The following NNMT variants were observed in gnomAD, a reference collection of about 807,000 sequenced individuals.
NNMT encodes the protein nicotinamide N-methyltransferase.
In NNMT, 10 loss-of-function variants were observed where a neutral mutation model predicts 11.7. The observed-to-expected ratio is 0.85, with a 90% CI of 0.53 to 1.45. The LOEUF (loss-of-function observed/expected upper bound fraction) is 1.45. Among genes scored for constraint, NNMT ranks in the 40% most tolerant of loss-of-function variants. The pLI, the probability that NNMT is intolerant of heterozygous loss-of-function variation, is 0.00. For synonymous variants in NNMT, 143 were observed against 133.8 expected (o/e 1.07, Z -0.48); for missense variants, 381 against 319.4 (o/e 1.19, Z -1.47).
intron 1 of NNMT, chr11:114,297,380 T>C (rs925983040): frequency 2.0e-5 from 3 of 152,014 alleles, no homozygotes; most frequent in African/African-American, 4.8e-5. Flanking sequence ...CAAACTGATG[T>C]GCTTTATTTA....
chr11:114,265,221 T>G (rs1378313274), intron 2 of NNMT, among the ~76,000 whole-genome samples: 1 of 152,162 alleles, frequency 6.6e-6, no homozygotes, highest in East Asian at 1.9e-4. Flanking sequence ...ATTTCAAGGA[T>G]TTTAGGAGTT....
At chr11:114,275,850 A>G (rs1226917326) in intron 2 of NNMT, among the ~76,000 whole-genome samples, 1 of 152,138 alleles carries the variant, frequency 6.6e-6, no homozygotes, top group Non-Finnish European at 1.5e-5. Flanking sequence ...GGGTTAGAAT[A>G]TTCTGTTATC....
At chr11:114,307,109 TA>T (rs1180320443) in intron 2 of NNMT, among the ~76,000 whole-genome samples, 1 of 152,176 alleles carries the variant, frequency 6.6e-6, no homozygotes, top group African/African-American at 2.4e-5. Context: ...CTCTCTTAAA[TA>T]GGTGCTCTTG....
chr11:114,284,341 G>T (rs1472853811), intron 2 of NNMT, among the ~76,000 whole-genome samples: 1 of 152,232 alleles, frequency 6.6e-6, no homozygotes, highest in East Asian at 1.9e-4. Context: ...GGTAGGTCAG[G>T]CCTGGACACC....
At chr11:114,265,917 G>A (rs889858959) in intron 2 of NNMT, among the ~76,000 whole-genome samples, 3 of 152,092 alleles carry the variant, frequency 2.0e-5, no homozygotes, top group African/African-American at 7.2e-5. Flanking sequence ...CTGCGAGTCA[G>A]CTTGGGTGGG....
At chr11:114,311,771 T>C (rs1053914732) in intron 2 of NNMT, among the ~76,000 whole-genome samples, 6 of 152,236 alleles carry the variant, frequency 3.9e-5, no homozygotes, top group African/African-American at 1.4e-4. Flanking sequence ...AATAATTTCA[T>C]GGAGGGAAGT....
intron 2 of NNMT, among the ~76,000 whole-genome samples, chr11:114,271,076 T>A (rs1398803024): frequency 6.6e-6 from 1 of 152,058 alleles, no homozygotes; most frequent in African/African-American, 2.4e-5. Context: ...CATGCTCGGC[T>A]CCGAATGACC....
Position 114,312,593 on chromosome 11 carries a change from C to T in NNMT, c.*116C>T, listed in dbSNP as rs1356710041. The T allele has an allele frequency of 2.0e-6, 2 of 979,884 alleles. No homozygotes were observed. The highest frequency in any genetic ancestry group is 3.1e-6 in the Non-Finnish European group (2 of 655,474). 60.7% of individuals were successfully genotyped at this position (979,884 alleles called of 1,614,324 possible). On this transcript the variant is annotated 3_prime_UTR_variant, in exon 3 of 3. Transcript: ENST00000299964. ...GCTCAGTGGTTGGGGCCCAATGGTT[C>T]ATCTAGGACGGGACTAGAGAGGTCA... is the stretch of plus-strand genomic sequence containing the variant.
At position 114,296,483 on chromosome 11, in the gene NNMT, C is replaced by T; in HGVS notation, c.-74C>T. The T allele has an allele frequency of 6.5e-7, 1 of 1,527,180 alleles. No homozygotes were observed. The highest frequency in any genetic ancestry group is 8.9e-7 in the Non-Finnish European group (1 of 1,124,338). The allele number at this position is 1,527,180 out of a possible 1,614,324, so 94.6% of individuals were successfully genotyped here. A position where few individuals can be genotyped will look rare whatever the true frequency, so the allele number is the denominator to read the frequency against. ...AGCCTGAGACTCAGGAAGACAACTT[C>T]TGCAGGGTCACTCCCTGGCTTCTGG... On this transcript the variant is annotated 5_prime_UTR_variant, in exon 1 of 3. Coordinates refer to ENST00000299964, the MANE Select transcript of NNMT (RefSeq NM_006169.3).
At chr11:114,261,365 T>C (rs955740641) in intron 1 of NNMT, among the ~76,000 whole-genome samples, 4 of 152,208 alleles carry the variant, frequency 2.6e-5, no homozygotes, top group Non-Finnish European at 5.9e-5. Flanking sequence ...GTGGATCACC[T>C]GAAGTCGGGA....
At chr11:114,309,038 C>T (rs537029028) in intron 2 of NNMT, among the ~76,000 whole-genome samples, 9 of 152,290 alleles carry the variant, frequency 5.9e-5, no homozygotes, top group Non-Finnish European at 1.3e-4. Flanking sequence ...CACGGAGGTT[C>T]GTTCTGCTTC....
intron 1 of NNMT, among the ~76,000 whole-genome samples, chr11:114,258,261 G>A (rs867174394): frequency 4.6e-5 from 7 of 152,222 alleles, no homozygotes; most frequent in South Asian, 4.1e-4. Flanking sequence ...GGAGCTCCCC[G>A]CATGCCCTGT....
chr11:114,304,159 G>A (rs1194992478), intron 2 of NNMT, among the ~76,000 whole-genome samples: 2 of 152,160 alleles, frequency 1.3e-5, no homozygotes, highest in African/African-American at 2.4e-5. Flanking sequence ...CCCAGGGTTT[G>A]TAGAATCTCA....
chr11:114,283,229 T>A (rs1424968465), intron 2 of NNMT, among the ~76,000 whole-genome samples: 2 of 152,140 alleles, frequency 1.3e-5, no homozygotes, highest in Non-Finnish European at 2.9e-5. Flanking sequence ...TGGATGTCTC[T>A]GGAATCATTG....
rs574844132 is a variant in NNMT at position 114,261,326 on chromosome 11, A to G, written c.-216-1522A>G. Among the ~76,000 whole-genome samples the G allele has an allele frequency of 3.9e-5, 6 of 152,314 alleles. No homozygotes were observed. In the South Asian group the frequency reaches 1.2e-3, roughly 32 times the overall value. On this transcript the variant is annotated intron_variant, in intron 1 of 4. Transcript: ENST00000535401. ...GCCGGGCGCGGTGGCTCACGCCTGT[A>G]ATCCCAGCACTTTGGGAGGCCGAGG...
chr11:114,272,233 G>A (rs571862159), intron 2 of NNMT, among the ~76,000 whole-genome samples: 11 of 152,258 alleles, frequency 7.2e-5, no homozygotes, highest in Non-Finnish European at 1.2e-4. Flanking sequence ...CCCATAGCCC[G>A]CCTGGACTAC....
chr11:114,311,566 T>C (rs1034282873), intron 2 of NNMT, among the ~76,000 whole-genome samples: 7 of 152,234 alleles, frequency 4.6e-5, no homozygotes, highest in Non-Finnish European at 8.8e-5. Context: ...TCACCACTCT[T>C]ATTGATCAGC....
At chr11:114,304,587 T>A (rs1360030113) in intron 2 of NNMT, among the ~76,000 whole-genome samples, 1 of 152,250 alleles carries the variant, frequency 6.6e-6, no homozygotes, top group African/African-American at 2.4e-5. Flanking sequence ...TCCTTCAAGA[T>A]GATTTCTTCT....
intron 2 of NNMT, among the ~76,000 whole-genome samples, chr11:114,281,014 A>C (rs1288566717): frequency 6.6e-6 from 1 of 152,144 alleles, no homozygotes; most frequent in Non-Finnish European, 1.5e-5. Flanking sequence ...CCACCACAGA[A>C]GCTGAGGCCC....
Sources: allele counts gnomAD v4.1 joint callset (sites outside exome capture counted in the v4.1 genomes callset), GRCh38; gene constraint gnomAD v4.1.1; transcripts MANE v1.5; gene names NCBI Gene and HGNC (gene_info 2026-07-23, HGNC 2026-07-21).